Variants in PDE11A observed in about 807,000 individuals in gnomAD.
The protein encoded by PDE11A is phosphodiesterase 11A.
In PDE11A, 100 loss-of-function variants were observed where a neutral mutation model predicts 100.5. The ratio of observed to expected loss-of-function variants is 1.00; its 90% confidence interval spans 0.85 to 1.18. PDE11A has a LOEUF of 1.18. PDE11A is among the 50% of genes most tolerant of loss of function. The pLI is 0.00. For synonymous variants in PDE11A, 381 were observed against 420.8 expected, an observed-to-expected ratio of 0.91 and a Z score of 1.16; for missense variants, 1,141 against 1,152.6, an observed-to-expected ratio of 0.99 and a Z score of 0.15.
intron 1 of PDE11A, among the ~76,000 whole-genome samples, chr2:178,047,327 G>C (rs2086763739): frequency 1.3e-5 from 2 of 152,044 alleles, no homozygotes. Flanking sequence ...GCCAGGTCTG[G>C]TGGCACATAC....
intron 2 of PDE11A, among the ~76,000 whole-genome samples, chr2:177,984,717 C>T (rs2085921471): frequency 6.6e-6 from 1 of 152,096 alleles, no homozygotes; most frequent in African/African-American, 2.4e-5. Context: ...CCAAAAAACC[C>T]CCATGAGATT....
At chr2:177,912,025 AAAG>A (rs913387659) in intron 2 of PDE11A, among the ~76,000 whole-genome samples, 1 of 152,140 alleles carries the variant, frequency 6.6e-6, no homozygotes, top group Non-Finnish European at 1.5e-5. Context: ...GGCAAATAAA[AAAG>A]AAGGAGAAGC....
Position 177,624,238 on chromosome 2 carries a change from G to T in PDE11A, c.*5169C>A, listed in dbSNP as rs2079800876. On this transcript the variant is annotated 3_prime_UTR_variant, in exon 20 of 20. Coordinates refer to ENST00000286063, the MANE Select transcript of PDE11A (RefSeq NM_016953.4). ...TTAGGTTTTGTTCTGTTGCTTTAATGAATCCTTTTTGTGTTTTGGTGGTTT... is the reference window on the plus strand; with the variant it reads ...TTAGGTTTTGTTCTGTTGCTTTAATTAATCCTTTTTGTGTTTTGGTGGTTT... 1 of 144,136 alleles carries T rather than the reference G, an allele frequency of 6.9e-6. No homozygotes were observed. Among genetic ancestry groups the T allele is most frequent in the African/African-American group, 2.5e-5 (1 of 39,768 alleles). The allele number at this position is 144,136 out of a possible 1,614,324, so 8.9% of individuals were successfully genotyped here.
chr2:178,014,215 T>A, intron 2 of PDE11A, 87 bp downstream of exon 2: 1 of 1,010,294 alleles, frequency 9.9e-7, no homozygotes, highest in Non-Finnish European at 1.6e-6. Context: ...ATCCAACAGC[T>A]ATTCACATAA....
intron 2 of PDE11A, among the ~76,000 whole-genome samples, chr2:177,916,470 T>A (rs892556329): frequency 1.3e-5 from 2 of 152,196 alleles, no homozygotes; most frequent in African/African-American, 4.8e-5. Context: ...CAGTCTCTAA[T>A]CCAGACACAG....
chr2:178,100,083 G>C (rs953531577), intron 2 of PDE11A, among the ~76,000 whole-genome samples: 1 of 152,190 alleles, frequency 6.6e-6, no homozygotes, highest in African/African-American at 2.4e-5. Context: ...ACAAAAAGCA[G>C]AATGTCAGTC....
At chr2:177,664,054 A>G in intron 18 of PDE11A, 105 bp from the exon 19 acceptor site, 1 of 728,688 alleles carries the variant, frequency 1.4e-6, no homozygotes, top group East Asian at 2.6e-5. Context: ...TACAAACTGA[A>G]CCCTTCGCAA....
At chr2:177,875,213 G>A (rs1276467443) in intron 5 of PDE11A, among the ~76,000 whole-genome samples, 1 of 151,796 alleles carries the variant, frequency 6.6e-6, no homozygotes, top group Non-Finnish European at 1.5e-5. Flanking sequence ...GACAGAGCGA[G>A]ACTCCACGTT....
At chr2:177,828,557 G>A (rs548148181) in intron 6 of PDE11A, among the ~76,000 whole-genome samples, 1 of 152,312 alleles carries the variant, frequency 6.6e-6, no homozygotes, top group East Asian at 1.9e-4. Flanking sequence ...GGGGTAAGGA[G>A]TACCAAGGGT....
chr2:177,813,923 A>G (rs2082993019), intron 9 of PDE11A, among the ~76,000 whole-genome samples: 1 of 149,740 alleles, frequency 6.7e-6, no homozygotes, highest in Admixed American at 6.9e-5. Context: ...AAGTAGGACA[A>G]TAATGGAAAA....
At chr2:178,060,690 T>G (rs1436871168) in intron 1 of PDE11A, among the ~76,000 whole-genome samples, 1 of 152,204 alleles carries the variant, frequency 6.6e-6, no homozygotes, top group Non-Finnish European at 1.5e-5. Flanking sequence ...TTAAGAAAAC[T>G]GAGATTCTGT....
At chr2:177,957,613 A>C (rs1381496514) in intron 2 of PDE11A, among the ~76,000 whole-genome samples, 3 of 152,152 alleles carry the variant, frequency 2.0e-5, no homozygotes, top group African/African-American at 7.2e-5. Flanking sequence ...GTGATTCTCC[A>C]GGTTATTAGA....
chr2:177,971,708 G>A (rs61541689), intron 2 of PDE11A, among the ~76,000 whole-genome samples: 1,715 of 152,172 alleles, frequency 0.011, 30 homozygotes, highest in African/African-American at 0.038. Flanking sequence ...AATAAGTCCC[G>A]TTATGTAAGG....
intron 13 of PDE11A, among the ~76,000 whole-genome samples, chr2:177,705,956 G>A (rs1037460418): frequency 1.3e-5 from 2 of 152,212 alleles, no homozygotes; most frequent in East Asian, 3.8e-4. Context: ...AGGGGCAGCT[G>A]TAATAGAGAG....
chr2:177,791,699 T>C (rs1487827393), intron 9 of PDE11A, among the ~76,000 whole-genome samples: 1 of 152,172 alleles, frequency 6.6e-6, no homozygotes, highest in African/African-American at 2.4e-5. Flanking sequence ...AGTAAGATTA[T>C]AGTATATGTT....
Position 177,819,478 on chromosome 2 carries a change from C to T in PDE11A, c.1576+742G>A, listed in dbSNP as rs76008601. On this transcript the variant is annotated intron_variant, in intron 7 of 19. Coordinates refer to ENST00000286063, the MANE Select transcript of PDE11A (RefSeq NM_016953.4). Reference sequence around the variant, plus strand: ...AATTTCAACTAATTCCTCCATCCTTCATGACTTCTCTATTTCAACCATGAA... The same window carrying T: ...AATTTCAACTAATTCCTCCATCCTTTATGACTTCTCTATTTCAACCATGAA... 9.3e-4 allele frequency among the ~76,000 whole-genome samples: 141 copies of T among 152,170 alleles called. 1 individual carries two copies. Among genetic ancestry groups the T allele is most frequent in the African/African-American group, 3.2e-3 (135 of 41,574 alleles).
chr2:177,743,198 C>T (rs2081899522), intron 10 of PDE11A, among the ~76,000 whole-genome samples: 1 of 152,140 alleles, frequency 6.6e-6, no homozygotes, highest in African/African-American at 2.4e-5. Context: ...AGGGGTGAAA[C>T]TCAAGTTTTA....
At chr2:177,727,295 C>A (rs893611519) in intron 12 of PDE11A, among the ~76,000 whole-genome samples, 1 of 152,116 alleles carries the variant, frequency 6.6e-6, no homozygotes, top group Admixed American at 6.5e-5. Flanking sequence ...TGGCTTTCCA[C>A]CAGCCAAGAG....
At chr2:178,107,784 T>C (rs2087639064) in intron 1 of PDE11A, among the ~76,000 whole-genome samples, 2 of 149,116 alleles carry the variant, frequency 1.3e-5, no homozygotes, top group South Asian at 4.3e-4. Flanking sequence ...TGCCGTGGTG[T>C]GATCTCGGCT....
Sources: allele counts gnomAD v4.1 joint callset (sites outside exome capture counted in the v4.1 genomes callset), GRCh38; gene constraint gnomAD v4.1.1; transcripts MANE v1.5; gene names NCBI Gene and HGNC (gene_info 2026-07-23, HGNC 2026-07-21).